TNR: variants seen among roughly 807,000 people sequenced by gnomAD.
The protein encoded by TNR is tenascin-R.
In TNR, 45 loss-of-function variants were observed where a neutral mutation model predicts 150.4. That is an observed-to-expected ratio of 0.30 (90% CI 0.24 to 0.38). TNR has a LOEUF of 0.38. TNR is among the 10% of genes least tolerant of loss of function. The pLI is 1.00. For missense variants in TNR, 1,544 were observed against 1,759.1 expected, an observed-to-expected ratio of 0.88 and a Z score of 2.19; for synonymous variants, 687 against 678.4, an observed-to-expected ratio of 1.01 and a Z score of -0.20.
chr1:175,483,705 G>A (rs936523163), intron 2 of TNR, among the ~76,000 whole-genome samples: 3 of 152,158 alleles, frequency 2.0e-5, no homozygotes, highest in African/African-American at 4.8e-5. Context: ...TCAGGATGTC[G>A]GGCCTTGAAG....
chr1:175,544,381 T>C (rs1181903710), intron 1 of TNR, among the ~76,000 whole-genome samples: 1 of 152,202 alleles, frequency 6.6e-6, no homozygotes, highest in Non-Finnish European at 1.5e-5. Context: ...GAATGAATTA[T>C]AGTTGACTCA....
chr1:175,540,367 C>G (rs1660454428), intron 1 of TNR, among the ~76,000 whole-genome samples: 2 of 152,138 alleles, frequency 1.3e-5, no homozygotes, highest in South Asian at 4.1e-4. Context: ...ATGCCAGACT[C>G]CCAGGAGGGC....
At chr1:175,420,513 G>A (rs534687620) in intron 2 of TNR, among the ~76,000 whole-genome samples, 2 of 152,350 alleles carry the variant, frequency 1.3e-5, no homozygotes, top group Non-Finnish European at 1.5e-5. Flanking sequence ...TTGGTTCAGT[G>A]TGGCTTCATG....
At chr1:175,390,446 T>G (rs887112784) in intron 7 of TNR, among the ~76,000 whole-genome samples, 17 of 152,236 alleles carry the variant, frequency 1.1e-4, no homozygotes, top group African/African-American at 4.1e-4. Flanking sequence ...CCAAAACTTA[T>G]GCCAGATGCT....
intron 2 of TNR, among the ~76,000 whole-genome samples, chr1:175,499,663 CT>C (rs541136167): frequency 1.0e-3 from 158 of 152,340 alleles, no homozygotes; most frequent in African/African-American, 3.6e-3. Context: ...AAGCAAATTA[CT>C]CCTTGTAATT....
intron 2 of TNR, among the ~76,000 whole-genome samples, chr1:175,435,623 G>A (rs1464234682): frequency 6.6e-6 from 1 of 152,208 alleles, no homozygotes; most frequent in Non-Finnish European, 1.5e-5. Flanking sequence ...AGTGTAGGAG[G>A]AGAAAAGAAG....
chr1:175,525,889 C>A (rs1411896782), intron 2 of TNR, among the ~76,000 whole-genome samples: 1 of 152,130 alleles, frequency 6.6e-6, no homozygotes, highest in Non-Finnish European at 1.5e-5. Context: ...AGATTTAATT[C>A]TGGGGGTAGC....
chr1:175,368,311 G>T (rs1651931544), intron 9 of TNR, among the ~76,000 whole-genome samples: 1 of 152,232 alleles, frequency 6.6e-6, no homozygotes, highest in Non-Finnish European at 1.5e-5. Flanking sequence ...TCTAGAGGTT[G>T]CCTGCATTCT....
At position 175,739,350 on chromosome 1, in the gene TNR, C is replaced by G. The variant is rs143345738; in HGVS notation, c.-165+3876G>C. Among the ~76,000 whole-genome samples, 32 of 152,126 alleles carry G rather than the reference C, an allele frequency of 2.1e-4. 1 individual carries two copies. The East Asian group carries it at 5.4e-3, about 26-fold the overall frequency. Reference sequence around the variant, plus strand: ...AAACTCTGATTTCCTTGTGGAAGACCCTATGTACAAACGGTGCACGAGATT... The same window carrying G: ...AAACTCTGATTTCCTTGTGGAAGACGCTATGTACAAACGGTGCACGAGATT... On this transcript the variant is annotated intron_variant, in intron 1 of 22. Coordinates refer to ENST00000367674, the MANE Select transcript of TNR (RefSeq NM_003285.3).
chr1:175,519,976 A>G (rs957998471), intron 2 of TNR, among the ~76,000 whole-genome samples: 3 of 152,130 alleles, frequency 2.0e-5, no homozygotes, highest in African/African-American at 7.2e-5. Context: ...CCACTTACTA[A>G]GCTGTTTGAA....
chr1:175,533,411 G>A (rs539833089), intron 1 of TNR, among the ~76,000 whole-genome samples: 1 of 152,294 alleles, frequency 6.6e-6, no homozygotes, highest in South Asian at 2.1e-4. Context: ...ACAACTGAAT[G>A]CTGTAGTTAA....
chr1:175,540,332 G>T (rs1354265229), intron 1 of TNR, among the ~76,000 whole-genome samples: 1 of 152,176 alleles, frequency 6.6e-6, no homozygotes, highest in African/African-American at 2.4e-5. Context: ...CAGCTCCAGG[G>T]TTTGACTCAA....
At chr1:175,568,431 T>C (rs1285960546) in intron 1 of TNR, among the ~76,000 whole-genome samples, 1 of 152,182 alleles carries the variant, frequency 6.6e-6, no homozygotes, top group Non-Finnish European at 1.5e-5. Context: ...GTCCTGTTAA[T>C]AGCTCCATCC....
chr1:175,661,147 G>A (rs1665356790), intron 1 of TNR, among the ~76,000 whole-genome samples: 1 of 152,080 alleles, frequency 6.6e-6, no homozygotes, highest in African/African-American at 2.4e-5. Flanking sequence ...CAGACATCTG[G>A]TAGAAGAACC....
chr1:175,575,871 G>A (rs921050910), intron 1 of TNR, among the ~76,000 whole-genome samples: 2 of 152,206 alleles, frequency 1.3e-5, no homozygotes, highest in Non-Finnish European at 2.9e-5. Context: ...CCAAGCTGGA[G>A]CCTGCAGATG....
chr1:175,656,307 G>C (rs977750168), intron 1 of TNR, among the ~76,000 whole-genome samples: 13 of 152,144 alleles, frequency 8.5e-5, no homozygotes, highest in African/African-American at 3.1e-4. Context: ...CGGCTACGTG[G>C]TGGGTCACGC....
intron 2 of TNR, among the ~76,000 whole-genome samples, chr1:175,444,284 T>C (rs1655931408): frequency 6.6e-6 from 1 of 152,222 alleles, no homozygotes; most frequent in Non-Finnish European, 1.5e-5. Flanking sequence ...AAATAGCCTC[T>C]TGATTTCGTG....
chr1:175,594,581 A>G (rs957407423), intron 1 of TNR, among the ~76,000 whole-genome samples: 13 of 152,326 alleles, frequency 8.5e-5, no homozygotes, highest in African/African-American at 3.1e-4. Flanking sequence ...AGGCCCAGGC[A>G]CAGTGGTTCA....
chr1:175,469,149 C>T (rs551214791), intron 2 of TNR, among the ~76,000 whole-genome samples: 22 of 152,144 alleles, frequency 1.4e-4, no homozygotes, highest in South Asian at 2.1e-4. Context: ...GACGGACCTA[C>T]GAGGCTGCTG....
Sources: allele counts gnomAD v4.1 joint callset (sites outside exome capture counted in the v4.1 genomes callset), GRCh38; gene constraint gnomAD v4.1.1; transcripts MANE v1.5; gene names NCBI Gene and HGNC (gene_info 2026-07-23, HGNC 2026-07-21).